NCAM2: variants seen among roughly 807,000 people sequenced by gnomAD.
The protein encoded by NCAM2 is N-CAM-2.
A neutral mutation model predicts 98.1 loss-of-function variants in NCAM2; 30 were observed. That is an observed-to-expected ratio of 0.31 (90% CI 0.23 to 0.41). NCAM2 has a LOEUF of 0.41. Ranked by LOEUF, NCAM2 falls within the 10% of genes least tolerant of loss-of-function variation. NCAM2 has a pLI of 1.00. For synonymous variants in NCAM2, 368 were observed against 342.4 expected (o/e 1.07, Z -0.83); for missense variants, 867 against 1,005.8 (o/e 0.86, Z 1.87).
At chr21:21,174,340 G>A (rs1285807531) in intron 1 of NCAM2, among the ~76,000 whole-genome samples, 1 of 152,096 alleles carries the variant, frequency 6.6e-6, no homozygotes, top group Non-Finnish European at 1.5e-5. Flanking sequence ...TTAAATTTCC[G>A]ATATGTGATG....
At chr21:21,006,244 C>T (rs1026555317) in intron 1 of NCAM2, among the ~76,000 whole-genome samples, 1 of 152,062 alleles carries the variant, frequency 6.6e-6, no homozygotes. Context: ...TGGTGGCTCA[C>T]ATCTGTAATC....
Position 21,126,168 on chromosome 21 carries a change from G to A in NCAM2, c.55+127550G>A, listed in dbSNP as rs374675277. Among the ~76,000 whole-genome samples the A allele has an allele frequency of 1.4e-4, 19 of 139,032 alleles. 1 individual carries two copies. In the South Asian group the frequency reaches 1.8e-3, roughly 13 times the overall value. The allele number at this position is 139,032 out of a possible 152,430, so 91.2% of individuals were successfully genotyped here. ...ACTTGCTTTTGACAGAGTTTAGTGAGGGATCATTTCCGGGGTAGGAGCCAT... is the reference window on the plus strand; with the variant it reads ...ACTTGCTTTTGACAGAGTTTAGTGAAGGATCATTTCCGGGGTAGGAGCCAT... On this transcript the variant is annotated intron_variant, in intron 1 of 17. Coordinates refer to ENST00000400546, the MANE Select transcript of NCAM2 (RefSeq NM_004540.5).
chr21:21,388,760 C>G (rs2076321461), intron 9 of NCAM2, among the ~76,000 whole-genome samples: 1 of 152,040 alleles, frequency 6.6e-6, no homozygotes, highest in Admixed American at 6.6e-5. Context: ...TTCGGTTGTA[C>G]ATTATATAAA....
chr21:21,437,419 A>C (rs1230877369), intron 12 of NCAM2, among the ~76,000 whole-genome samples: 1 of 151,384 alleles, frequency 6.6e-6, no homozygotes, highest in Admixed American at 6.6e-5. Flanking sequence ...CTATGTGAGC[A>C]ATTCAATGGT....
intron 1 of NCAM2, among the ~76,000 whole-genome samples, chr21:21,120,994 G>T (rs997095826): frequency 1.1e-4 from 17 of 152,242 alleles, no homozygotes; most frequent in African/African-American, 4.1e-4. Flanking sequence ...GGGATTACAG[G>T]CGTGAGCCAC....
intron 5 of NCAM2, among the ~76,000 whole-genome samples, chr21:21,295,706 G>T (rs2073451927): frequency 6.6e-6 from 1 of 151,704 alleles, no homozygotes; most frequent in African/African-American, 2.4e-5. Flanking sequence ...GATTACAGTT[G>T]ATCTGCAAGT....
intron 1 of NCAM2, among the ~76,000 whole-genome samples, chr21:21,165,632 A>C (rs995972749): frequency 6.6e-6 from 1 of 152,108 alleles, no homozygotes. Flanking sequence ...CTCATTTTTT[A>C]CCTATTCCAC....
chr21:21,107,637 G>A (rs563105143), intron 1 of NCAM2, among the ~76,000 whole-genome samples: 1 of 151,940 alleles, frequency 6.6e-6, no homozygotes, highest in Non-Finnish European at 1.5e-5. Context: ...TTTATTTACT[G>A]CACGTTAGCA....
chr21:21,413,882 G>T (rs893761443), intron 10 of NCAM2, among the ~76,000 whole-genome samples: 1 of 152,158 alleles, frequency 6.6e-6, no homozygotes, highest in African/African-American at 2.4e-5. Context: ...TTTCATGAAA[G>T]ATCTCTGTGT....
In NCAM2 at chr21:21,084,191, C is replaced by T. The variant is rs552330640; in HGVS notation, c.55+85573C>T. ...TCTTTTCAAAAAAGAGTGCTCATCT[C>T]ATTCATGAGGGTTCTGCCTTCATGA... On this transcript the variant is annotated intron_variant, in intron 1 of 17. Transcript: ENST00000400546. 4.6e-5 allele frequency among the ~76,000 whole-genome samples: 7 copies of T among 152,250 alleles called. No homozygotes were observed. The East Asian group carries it at 1.4e-3, about 29-fold the overall frequency.
chr21:21,498,664 G>A (rs1987418349), intron 15 of NCAM2, among the ~76,000 whole-genome samples: 1 of 152,150 alleles, frequency 6.6e-6, no homozygotes, highest in African/African-American at 2.4e-5. Context: ...GCTGTCCAGA[G>A]GGAGCCGAGA....
At chr21:21,473,311 T>TATAC (rs202001363) in intron 14 of NCAM2, among the ~76,000 whole-genome samples, 2 of 147,080 alleles carry the variant, frequency 1.4e-5, no homozygotes, top group South Asian at 4.2e-4. Context: ...TATATATATA[T>TATAC]AAAAATATAT....
At chr21:21,517,169 C>T (rs1429414059) in intron 16 of NCAM2, among the ~76,000 whole-genome samples, 1 of 152,148 alleles carries the variant, frequency 6.6e-6, no homozygotes, top group Admixed American at 6.6e-5. Flanking sequence ...ACTTCAATTC[C>T]ACTTCAAATG....
At chr21:21,500,090 A>C (rs1987530166) in intron 15 of NCAM2, among the ~76,000 whole-genome samples, 1 of 152,172 alleles carries the variant, frequency 6.6e-6, no homozygotes, top group Non-Finnish European at 1.5e-5. Context: ...TATATACAGG[A>C]AACAATTTTA....
chr21:21,264,917 TTAGATATACAC>T (rs2072087311), intron 1 of NCAM2, among the ~76,000 whole-genome samples: 2 of 125,296 alleles, frequency 1.6e-5, no homozygotes, highest in Admixed American at 1.6e-4. Context: ...TACACATATA[TTAGATATACAC>T]ATATATATGT....
At chr21:21,094,174 T>G (rs2066070637) in intron 1 of NCAM2, among the ~76,000 whole-genome samples, 1 of 151,870 alleles carries the variant, frequency 6.6e-6, no homozygotes. Context: ...ATGCTGAATA[T>G]TGAAAAAAAT....
intron 5 of NCAM2, among the ~76,000 whole-genome samples, chr21:21,296,060 G>A (rs2073468447): frequency 6.6e-6 from 1 of 151,648 alleles, no homozygotes; most frequent in Non-Finnish European, 1.5e-5. Flanking sequence ...TATTCAACAG[G>A]TATATACAAA....
chr21:21,394,423 G>A (rs902800624), intron 9 of NCAM2, among the ~76,000 whole-genome samples: 1 of 139,928 alleles, frequency 7.1e-6, no homozygotes, highest in African/African-American at 2.7e-5. Context: ...AGTGTTACAG[G>A]TTATTTTAAA....
intron 13 of NCAM2, among the ~76,000 whole-genome samples, chr21:21,467,765 GAGA>G (rs10544338): frequency 0.53 from 79,530 of 151,148 alleles, 21,810 homozygotes; most frequent in African/African-American, 0.59. Flanking sequence ...GGTGAGAGGT[GAGA>G]AGATCACCTG....
Sources: allele counts gnomAD v4.1 joint callset (sites outside exome capture counted in the v4.1 genomes callset), GRCh38; gene constraint gnomAD v4.1.1; transcripts MANE v1.5; gene names NCBI Gene and HGNC (gene_info 2026-07-23, HGNC 2026-07-21).